The following TMEM67 variants were observed in gnomAD, a reference collection of about 807,000 sequenced individuals.
TMEM67 encodes the protein meckelin.
TMEM67 carries 124 observed loss-of-function variants against 136.6 expected under a neutral mutation model. The observed-to-expected ratio is 0.91, with a 90% CI of 0.78 to 1.05. TMEM67 has a LOEUF of 1.05. TMEM67 is among the 50% of genes least tolerant of loss of function. The pLI, the probability that TMEM67 is intolerant of heterozygous loss-of-function variation, is 0.00. For synonymous variants in TMEM67, 364 were observed against 390.5 expected (o/e 0.93, Z 0.80); for missense variants, 1,107 against 1,178.4 (o/e 0.94, Z 0.89).
chr8:93,825,290 G>A, the TMEM67 span, among the ~76,000 whole-genome samples: 1 of 152,312 alleles, frequency 6.6e-6, no homozygotes. Context: ...CGCAAGGACA[G>A]TGCTCCAGAA....
chr8:93,829,964 T>A, the TMEM67 span, among the ~76,000 whole-genome samples: 1 of 152,162 alleles, frequency 6.6e-6, no homozygotes, highest in Non-Finnish European at 1.5e-5. Context: ...TTCCCTGAGC[T>A]ACCTTGTCTG....
At chr8:93,819,302 CA>C, downstream of TMEM67, 1 of 405,418 alleles carries the variant, frequency 2.5e-6, no homozygotes, top group Non-Finnish European at 4.7e-6. Flanking sequence ...CAGCCACCCC[CA>C]GCTCTGCCAG....
At chr8:93,825,394 T>C in the TMEM67 span, among the ~76,000 whole-genome samples, 2 of 152,204 alleles carry the variant, frequency 1.3e-5, no homozygotes, top group East Asian at 3.8e-4. Context: ...TAATTGAGTG[T>C]CCAAAATAAA....
At chr8:93,808,127 C>A (rs1465261629) in intron 23 of TMEM67, among the ~76,000 whole-genome samples, 1 of 150,714 alleles carries the variant, frequency 6.6e-6, no homozygotes, top group East Asian at 1.9e-4. Flanking sequence ...ATAAAGGAAG[C>A]TAAGAATATC....
At chr8:93,803,580 C>T (rs759846056) in intron 21 of TMEM67, 24 bp from the exon 22 acceptor site, 1 of 1,433,018 alleles carries the variant, frequency 7.0e-7, no homozygotes, top group South Asian at 1.1e-5. Flanking sequence ...AGCTAATAAG[C>T]ATAAACTTGA....
At chr8:93,781,232 T>A (rs1180126015) in intron 9 of TMEM67, among the ~76,000 whole-genome samples, 4 of 152,176 alleles carry the variant, frequency 2.6e-5, no homozygotes, top group Non-Finnish European at 1.5e-5. Context: ...GCAGTTTTCA[T>A]CACCAAATGC....
intron 6 of TMEM67, 122 bp from the exon 7 acceptor site, chr8:93,772,467 A>G (rs1383595581): frequency 2.7e-6 from 2 of 730,878 alleles, no homozygotes; most frequent in African/African-American, 1.8e-5. Context: ...CAATTCTTGT[A>G]TTCCTATTAG....
rs1808957706 is a variant in TMEM67 at position 93,817,583 on chromosome 8, A to G, written c.*1131A>G. The G allele has an allele frequency of 6.6e-6, 1 of 152,230 alleles. No individual in the cohort carries two copies. The highest frequency in any genetic ancestry group is 2.4e-5 in the African/African-American group (1 of 41,466). 9.4% of individuals were successfully genotyped at this position (152,230 alleles called of 1,614,324 possible). A position where few individuals can be genotyped will look rare whatever the true frequency, so the allele number is the denominator to read the frequency against. On this transcript the variant is annotated 3_prime_UTR_variant, in exon 28 of 28. Coordinates refer to ENST00000453321, the MANE Select transcript of TMEM67 (RefSeq NM_153704.6). ...ATGTTTCTCACTGCTTTCTATGTTA[A>G]TGCTGTGTAAATACTTAAAATGGAA...
At chr8:93,829,676 T>C in the TMEM67 span, among the ~76,000 whole-genome samples, 3 of 152,250 alleles carry the variant, frequency 2.0e-5, no homozygotes, top group Non-Finnish European at 4.4e-5. Flanking sequence ...GGAGGCCCCA[T>C]TATGGAACAG....
At chr8:93,797,300 A>G (rs1814665183) in intron 19 of TMEM67, 31 bp from the exon 20 acceptor site, 1 of 1,613,728 alleles carries the variant, frequency 6.2e-7, no homozygotes, top group Non-Finnish European at 8.5e-7. Context: ...AGGAGGTAAA[A>G]CTCTTTTACT....
intron 1 of TMEM67, 95 bp from the exon 2 acceptor site, chr8:93,755,683 G>A: frequency 1.2e-6 from 1 of 834,438 alleles, no homozygotes; most frequent in Non-Finnish European, 1.9e-6. Flanking sequence ...TGCTTCTCAA[G>A]ATCTTCAGAC....
rs1327714581 is a variant in TMEM67 at position 93,791,257 on chromosome 8, T to A, written c.1519-6T>A. 1.3e-6 allele frequency: 2 copies of A among 1,588,226 alleles called. No individual in the cohort carries two copies. The highest frequency in any genetic ancestry group is 1.7e-6 in the Non-Finnish European group (2 of 1,157,574). ...TATAGCTAATTTGTTTTGTTTTAAA[T>A]ATCAGGTTTCTTTCTCAGTCACATA... On this transcript the variant is annotated splice_region_variant and splice_polypyrimidine_tract_variant and intron_variant, in intron 14 of 27. Transcript: ENST00000453321.
intron 23 of TMEM67, among the ~76,000 whole-genome samples, chr8:93,805,475 T>C (rs1413678816): frequency 6.6e-6 from 1 of 151,766 alleles, no homozygotes; most frequent in Non-Finnish European, 1.5e-5. Context: ...TCCCAGCTAC[T>C]TGGGAGGCTG....
intron 16 of TMEM67, chr8:93,794,972 A>T (rs1021236101): frequency 5.3e-6 from 1 of 189,232 alleles, no homozygotes; most frequent in Non-Finnish European, 1.1e-5. Context: ...CTAAAAAGTT[A>T]ATTTTGGCCC....
chr8:93,830,879 C>G, the TMEM67 span, among the ~76,000 whole-genome samples: 1 of 152,240 alleles, frequency 6.6e-6, no homozygotes, highest in Admixed American at 6.5e-5. Flanking sequence ...CACGTATTTC[C>G]ATGAATAATC....
At chr8:93,763,759 G>T in intron 3 of TMEM67, 83 bp from the exon 4 acceptor site, 1 of 918,202 alleles carries the variant, frequency 1.1e-6, no homozygotes, top group Non-Finnish European at 1.8e-6. Context: ...TTACAATTGG[G>T]TTTTGTTAAA....
At chr8:93,804,964 C>A in intron 23 of TMEM67, 86 bp downstream of exon 23, 1 of 862,880 alleles carries the variant, frequency 1.2e-6, no homozygotes, top group Middle Eastern at 3.4e-4. Context: ...AAAAAACAGT[C>A]TTCATTGATA....
chr8:93,781,583 A>C, intron 9 of TMEM67, 75 bp from the exon 10 acceptor site: 1 of 627,552 alleles, frequency 1.6e-6, no homozygotes, highest in Non-Finnish European at 2.8e-6. Context: ...ATCAGTCAAC[A>C]ATGAAAATTT....
intron 3 of TMEM67, 116 bp from the exon 4 acceptor site, chr8:93,763,726 T>C (rs1563679275): frequency 1.7e-5 from 12 of 724,354 alleles, no homozygotes; most frequent in Middle Eastern, 5.9e-4. Flanking sequence ...AATAAAGTGT[T>C]TTGAGAATTA....
Sources: gnomAD v4.1 joint callset for allele counts (sites outside exome capture counted in the v4.1 genomes callset) on GRCh38, gnomAD v4.1.1 for gene constraint, MANE v1.5 for transcripts, NCBI Gene and HGNC (gene_info 2026-07-23, HGNC 2026-07-21) for gene names.